Variants in RFX4 observed in about 807,000 individuals in gnomAD.
RFX4 encodes transcription factor RFX4.
Under a neutral mutation model 95.0 loss-of-function variants are expected in RFX4, and 10 were observed. The ratio of observed to expected loss-of-function variants is 0.11; its 90% confidence interval spans 0.06 to 0.18. The LOEUF (loss-of-function observed/expected upper bound fraction) is 0.18, where lower values mean the gene tolerates loss of function less well. Among genes scored for constraint, RFX4 ranks in the 10% least tolerant of loss-of-function variants. The pLI, the probability that RFX4 is intolerant of heterozygous loss-of-function variation, is 1.00. For missense variants in RFX4, 640 were observed against 922.0 expected (o/e 0.69, Z 3.96); for synonymous variants, 321 against 340.7 (o/e 0.94, Z 0.64).
At chr12:106,619,533 T>C (rs1348175684) in intron 2 of RFX4, among the ~76,000 whole-genome samples, 1 of 152,190 alleles carries the variant, frequency 6.6e-6, no homozygotes, top group East Asian at 1.9e-4. Context: ...TTGCCTTTGG[T>C]TTTCAGTAGT....
At position 106,761,314 on chromosome 12, in the gene RFX4, T is replaced by C. The variant is rs1476607451; in HGVS notation, c.2053T>C (p.Tyr685His). 2 of 1,613,990 alleles carry C rather than the reference T, an allele frequency of 1.2e-6. No homozygotes were observed. The highest frequency in any genetic ancestry group is 1.7e-5 in the Admixed American group (1 of 59,990). Residue 685 changes from tyrosine (Y) to histidine (H), a missense_variant, in exon 18 of 18, where the codon TAC becomes CAC. Physicochemically the swap from Tyr to His is moderately conservative, Grantham distance 83 (BLOSUM62 2). Transcript: ENST00000392842. The stretch of plus-strand genomic sequence containing the variant: ...AGAGGTGCCCTCAGCCAACACGTGC[T>C]ACACAAGCCCGTCTGTGCATTCTGC... ...WPEVPSANTC[Y>H]TSPSVHSARY...
intron 4 of RFX4, among the ~76,000 whole-genome samples, chr12:106,659,114 G>A (rs2041020674): frequency 6.6e-6 from 1 of 152,160 alleles, no homozygotes; most frequent in South Asian, 2.1e-4. Flanking sequence ...ATAAGAACAA[G>A]CATCTTCTCA....
chr12:106,760,477 C>G (rs1429522583), intron 17 of RFX4, among the ~76,000 whole-genome samples: 1 of 152,178 alleles, frequency 6.6e-6, no homozygotes, highest in Non-Finnish European at 1.5e-5. Context: ...CACAAAAGCT[C>G]CCCTCCCCGC....
chr12:106,727,285 AGGTAT>A (rs1037691294), intron 13 of RFX4, among the ~76,000 whole-genome samples: 4 of 152,238 alleles, frequency 2.6e-5, no homozygotes, highest in African/African-American at 9.6e-5. Context: ...TTCAGCTCTC[AGGTAT>A]GGTTTTTAAA....
chr12:106,613,435 T>C (rs1035264911), intron 2 of RFX4, among the ~76,000 whole-genome samples: 1 of 151,680 alleles, frequency 6.6e-6, no homozygotes, highest in African/African-American at 2.4e-5. Context: ...CAATCTTGGC[T>C]CACTGCAACC....
At chr12:106,623,739 C>T (rs1024805233) in intron 2 of RFX4, among the ~76,000 whole-genome samples, 1 of 152,186 alleles carries the variant, frequency 6.6e-6, no homozygotes, top group Admixed American at 6.5e-5. Flanking sequence ...GAGCCAAGAT[C>T]ATGCCACTGC....
chr12:106,690,495 A>C (rs2041758525), intron 7 of RFX4, among the ~76,000 whole-genome samples: 1 of 152,076 alleles, frequency 6.6e-6, no homozygotes, highest in Non-Finnish European at 1.5e-5. Context: ...GTAACAAATA[A>C]CTCTGCAAAT....
chr12:106,611,752 C>G (rs2039966234), intron 2 of RFX4, among the ~76,000 whole-genome samples: 1 of 152,148 alleles, frequency 6.6e-6, no homozygotes, highest in African/African-American at 2.4e-5. Context: ...ACCTCGTGAT[C>G]TGCCCCCCTC....
chr12:106,629,569 C>A (rs1428461168), intron 2 of RFX4, among the ~76,000 whole-genome samples: 2 of 152,168 alleles, frequency 1.3e-5, no homozygotes, highest in African/African-American at 4.8e-5. Context: ...CAGCCTCAAC[C>A]TCCCAGGCTC....
intron 2 of RFX4, among the ~76,000 whole-genome samples, chr12:106,629,587 G>A (rs1470845071): frequency 1.3e-5 from 2 of 152,060 alleles, no homozygotes; most frequent in African/African-American, 4.8e-5. Flanking sequence ...CTCAGGTGAT[G>A]GCTCCTACCT....
intron 15 of RFX4, among the ~76,000 whole-genome samples, chr12:106,747,167 G>A (rs544220266): frequency 1.3e-5 from 2 of 152,248 alleles, no homozygotes; most frequent in East Asian, 3.9e-4. Context: ...AGAATGAGTG[G>A]GTAATAAGGC....
intron 6 of RFX4, among the ~76,000 whole-genome samples, 164 bp downstream of exon 6, chr12:106,687,261 A>ATAGAAAT (rs1487043780): frequency 6.6e-6 from 1 of 152,048 alleles, no homozygotes; most frequent in Non-Finnish European, 1.5e-5. Context: ...AAATATAAAG[A>ATAGAAAT]TAGAAATCCA....
At chr12:106,614,854 G>A (rs113823058) in intron 2 of RFX4, among the ~76,000 whole-genome samples, 15,499 of 152,168 alleles carry the variant, frequency 0.1, 978 homozygotes, top group Middle Eastern at 0.14. Context: ...CTCCTTAAAG[G>A]TTTGTAAGAG....
In RFX4 at chr12:106,583,292, G is replaced by C. The variant is rs1290871989; in HGVS notation, c.-29G>C. 2 of 1,563,674 alleles carry C rather than the reference G, an allele frequency of 1.3e-6. No individual in the cohort carries two copies. The highest frequency in any genetic ancestry group is 1.7e-6 in the Non-Finnish European group (2 of 1,162,022). On this transcript the variant is annotated 5_prime_UTR_variant, in exon 1 of 18. Transcript: ENST00000392842. ...GATCCCCAAACATCAGGACTTTTGG[G>C]GGGCGCCTGTGCTGTCCATGGGAAG...
chr12:106,610,757 T>A (rs1198164935), intron 2 of RFX4, among the ~76,000 whole-genome samples: 1 of 152,224 alleles, frequency 6.6e-6, no homozygotes, highest in African/African-American at 2.4e-5. Flanking sequence ...TCACTGTAAA[T>A]AACGCTGTTT....
intron 2 of RFX4, among the ~76,000 whole-genome samples, chr12:106,617,883 T>A (rs201310545): frequency 6.6e-6 from 1 of 152,096 alleles, no homozygotes; most frequent in East Asian, 1.9e-4. Flanking sequence ...CCTGTCACTA[T>A]GCCTGGCTAA....
intron 8 of RFX4, among the ~76,000 whole-genome samples, chr12:106,699,001 G>A (rs1016357082): frequency 1.3e-5 from 2 of 151,810 alleles, no homozygotes; most frequent in Non-Finnish European, 2.9e-5. Flanking sequence ...GAAAGCTTAG[G>A]TCATTGATTA....
chr12:106,722,094 TG>T (rs1303914296), intron 13 of RFX4, among the ~76,000 whole-genome samples: 2 of 152,254 alleles, frequency 1.3e-5, no homozygotes, highest in Non-Finnish European at 2.9e-5. Context: ...GACTGCTACC[TG>T]GGCAGTGCCA....
At chr12:106,676,718 C>G (rs1185209142) in intron 4 of RFX4, among the ~76,000 whole-genome samples, 4 of 152,114 alleles carry the variant, frequency 2.6e-5, no homozygotes, top group African/African-American at 7.2e-5. Flanking sequence ...CTGTTCATAG[C>G]AGAGGCCACC....
Sources: allele counts gnomAD v4.1 joint callset (sites outside exome capture counted in the v4.1 genomes callset), GRCh38; gene constraint gnomAD v4.1.1; transcripts MANE v1.5; gene names NCBI Gene and HGNC (gene_info 2026-07-23, HGNC 2026-07-21).